Variants in ABCF2 observed in about 807,000 individuals in gnomAD.
ABCF2 encodes ATP binding cassette subfamily F member 2, also known as ATP-binding cassette sub-family F member 2.
Under a neutral mutation model 76.9 loss-of-function variants are expected in ABCF2, and 37 were observed. The ratio of observed to expected loss-of-function variants is 0.48; its 90% CI spans 0.37 to 0.63. The LOEUF (loss-of-function observed/expected upper bound fraction) is 0.63. Ranked by LOEUF, ABCF2 falls within the 30% of genes least tolerant of loss-of-function variation. ABCF2 has a pLI of 0.00. For synonymous variants in ABCF2, 299 were observed against 283.7 expected (o/e 1.05, Z -0.54); for missense variants, 524 against 782.1 (o/e 0.67, Z 3.94).
In ABCF2 at chr7:151,226,483, A is replaced by G; in HGVS notation, c.-25T>C. 5 of 1,607,184 alleles carry G rather than the reference A, an allele frequency of 3.1e-6. No individual in the cohort carries two copies. Among genetic ancestry groups the G allele is most frequent in the Non-Finnish European group, 4.2e-6 (5 of 1,177,298 alleles). The stretch of plus-strand genomic sequence containing the variant: ...TGATGATGACCCACAGGGGTAGGTT[A>G]CTGTTGTTTCAGGGAGCCTGAAGGA... On this transcript the variant is annotated 5_prime_UTR_variant, in exon 2 of 15. Transcript: ENST00000287844.
Position 151,214,048 on chromosome 7 carries a change from G to C in ABCF2, c.*6C>G, listed in dbSNP as rs1245120013. 1 of 1,613,086 alleles carries C rather than the reference G, an allele frequency of 6.2e-7. No homozygotes were observed. Among genetic ancestry groups the C allele is most frequent in the Non-Finnish European group, 8.5e-7 (1 of 1,179,792 alleles). ...GGAGCTCCTGACCCGAACCCAGGTA[G>C]AGGGCTCACACGTTGTGGGTCCTCT... On this transcript the variant is annotated 3_prime_UTR_variant, in exon 15 of 15. Coordinates refer to ENST00000287844, the MANE Select transcript of ABCF2 (RefSeq NM_007189.3). This position sits in a 1 kb window ranked among gnomAD's most constrained non-coding sequence, Gnocchi z 4.9.
At position 151,212,323 on chromosome 7, in the gene ABCF2, G is replaced by GA; in HGVS notation, c.*1730dup. On this transcript the variant is annotated 3_prime_UTR_variant, in exon 15 of 15. Coordinates refer to ENST00000287844, the MANE Select transcript of ABCF2 (RefSeq NM_007189.3). Reference sequence around the variant, plus strand: ...GTATGCAGAGCCCTGGGCTGGAAGTGAATTCAACAGTGATGATAACTATGG... The same window carrying GA: ...GTATGCAGAGCCCTGGGCTGGAAGTGAAATTCAACAGTGATGATAACTATGG... 1.0e-6 allele frequency: 1 copy of GA among 985,422 alleles called. No homozygotes were observed. 61.0% of individuals were successfully genotyped at this position (985,422 alleles called of 1,614,324 possible).
chr7:151,226,248 C>G (rs1470508368), intron 2 of ABCF2, 57 bp downstream of exon 2: 1 of 1,560,530 alleles, frequency 6.4e-7, no homozygotes, highest in African/African-American at 1.4e-5. Context: ...CCAACTCTGG[C>G]TGGGGCATGC....
rs917630441 is a variant in ABCF2 at position 151,215,064 on chromosome 7, A to G, written c.1549T>C (p.Leu517=). The change falls in exon 14 of 15, where the codon TTG becomes CTG. Residue 517 remains leucine (L), a synonymous_variant. Transcript: ENST00000287844. This position sits in a 1 kb window ranked among gnomAD's most constrained non-coding sequence, Gnocchi z 4.6. ...ACTCGGCACTTCTGCCCGTCTGACA[A>G]GTTCCGGATTGGGCTCACCTGAGTA... ...GKQQVSPIRN[L]SDGQKCRVCL... is the part of the protein sequence containing the mutation. 9.3e-6 allele frequency: 15 copies of G among 1,613,808 alleles called. No individual in the cohort carries two copies. The Middle Eastern group carries it at 6.6e-4, about 71-fold the overall frequency.
intron 6 of ABCF2, chr7:151,221,974 C>T (rs905859004): frequency 9.6e-6 from 3 of 314,052 alleles, no homozygotes; most frequent in Non-Finnish European, 1.8e-5. Flanking sequence ...TGTATGTACA[C>T]AAATACACCC....
At position 151,214,768 on chromosome 7, in the gene ABCF2, C is replaced by T. The variant is rs780194447; in HGVS notation, c.1734+111G>A. ...TCACCACCTGTGTCTACACTCTGAG[C>T]CCCTTCTCTTAATTCAGTAGGCGGG... On this transcript the variant is annotated intron_variant, in intron 14 of 14. Coordinates refer to ENST00000287844, the MANE Select transcript of ABCF2 (RefSeq NM_007189.3). The surrounding 1 kb of genome is among the most constrained non-coding windows in gnomAD (Gnocchi z 4.9). 104 of 1,030,468 alleles carry T rather than the reference C, an allele frequency of 1.0e-4. No individual in the cohort carries two copies. The highest frequency in any genetic ancestry group is 1.4e-4 in the Non-Finnish European group (94 of 684,030). The allele number at this position is 1,030,468 out of a possible 1,614,324, so 63.8% of individuals were successfully genotyped here.
In ABCF2 at chr7:151,212,557, G is replaced by A. The variant is rs1238103912; in HGVS notation, c.*1497C>T. 69 of 941,856 alleles carry A rather than the reference G, an allele frequency of 7.3e-5. No individual in the cohort carries two copies. Among genetic ancestry groups the A allele is most frequent in the Admixed American group, 1.2e-4 (2 of 16,234 alleles). 58.3% of individuals were successfully genotyped at this position (941,856 alleles called of 1,614,324 possible). A position where few individuals can be genotyped will look rare whatever the true frequency, so the allele number is the denominator to read the frequency against. On this transcript the variant is annotated 3_prime_UTR_variant, in exon 15 of 15. Transcript: ENST00000287844. ...GTCTGTCATCAGGCTGGAGTGTAGC[G>A]GCACGCTCTGCTCACTGCAGCCTCA...
chr7:151,219,185 C>A, intron 7 of ABCF2, 26 bp from the exon 8 acceptor site: 10 of 1,601,562 alleles, frequency 6.2e-6, no homozygotes, highest in Non-Finnish European at 8.6e-6. Context: ...CCAGGTAAGG[C>A]AGGCAGCTTT....
chr7:151,220,387 CAAAAA>C (rs10706364), intron 7 of ABCF2, among the ~76,000 whole-genome samples: 2 of 82,496 alleles, frequency 2.4e-5, no homozygotes, highest in Admixed American at 1.5e-4. Flanking sequence ...GACTCCAGCT[CAAAAA>C]AAAAAAAAAA....
At chr7:151,225,843 T>C (rs952097634) in intron 2 of ABCF2, among the ~76,000 whole-genome samples, 68 of 152,138 alleles carry the variant, frequency 4.5e-4, no homozygotes, top group African/African-American at 1.6e-3. Flanking sequence ...AAATAATAAA[T>C]ATTTCCCAAA....
In ABCF2 at chr7:151,223,975, C is replaced by A; in HGVS notation, c.507G>T (p.Arg169=). Residue 169 remains arginine (R), a synonymous_variant, in exon 4 of 15, where the codon CGG becomes CGT. Coordinates refer to ENST00000287844, the MANE Select transcript of ABCF2 (RefSeq NM_007189.3). ...LHCVMEVDTE[R]AMLEKEAERL... is the part of the protein sequence containing the mutation. Reference sequence around the variant, plus strand: ...GCTCTGCCTCTTTCTCCAGCATGGCCCGCTCTGTGTCGACTTCCATCACAC... The same window carrying A: ...GCTCTGCCTCTTTCTCCAGCATGGCACGCTCTGTGTCGACTTCCATCACAC... The A allele has an allele frequency of 6.2e-7, 1 of 1,614,124 alleles. No individual in the cohort carries two copies. The highest frequency in any genetic ancestry group is 8.5e-7 in the Non-Finnish European group (1 of 1,179,974).
chr7:151,211,818 G>A lies in ABCF2; in HGVS notation c.*2236C>T. The A allele has an allele frequency of 5.1e-6, 5 of 985,434 alleles. No individual in the cohort carries two copies. The highest frequency in any genetic ancestry group is 6.0e-6 in the Non-Finnish European group (5 of 829,930). 61.0% of individuals were successfully genotyped at this position (985,434 alleles called of 1,614,324 possible). A position where few individuals can be genotyped will look rare whatever the true frequency, so the allele number is the denominator to read the frequency against. On this transcript the variant is annotated 3_prime_UTR_variant, in exon 15 of 15. Coordinates refer to ENST00000287844, the MANE Select transcript of ABCF2 (RefSeq NM_007189.3). ...CTCCAGGCCCCACTTAAGGCATAAA[G>A]CAGTCAAGCCAGTACCCTCTGGGGT...
At position 151,217,963 on chromosome 7, in the gene ABCF2, C is replaced by T. The variant is rs564352046; in HGVS notation, c.1338+118G>A. 268 of 712,038 alleles carry T rather than the reference C, an allele frequency of 3.8e-4. No homozygotes were observed. In the African/African-American group the frequency reaches 4.0e-3, roughly 11 times the overall value. 44.1% of individuals were successfully genotyped at this position (712,038 alleles called of 1,614,324 possible). A position where few individuals can be genotyped will look rare whatever the true frequency, so the allele number is the denominator to read the frequency against. ...TGCTGCTCCACCCCTCCAGATGGCT[C>T]ACTCACCACCAGGGTACTCAGGCCC... On this transcript the variant is annotated intron_variant, in intron 11 of 14. Coordinates refer to ENST00000287844, the MANE Select transcript of ABCF2 (RefSeq NM_007189.3).
intron 11 of ABCF2, 23 bp from the exon 12 acceptor site, chr7:151,216,052 G>A (rs769550280): frequency 1.7e-5 from 27 of 1,607,946 alleles, no homozygotes; most frequent in African/African-American, 4.0e-5. Flanking sequence ...AAGTAGAAAC[G>A]TAAGCATGAA....
rs529284201 is a variant in ABCF2, at chr7:151,226,155, G to A, written c.154+150C>T. On this transcript the variant is annotated intron_variant, in intron 2 of 14. Transcript: ENST00000287844. Reference sequence around the variant, plus strand: ...TCCTTGCGCAATGACAGGGTGGCACGAATTCCAACTCTACTGATTTGATTC... The same window carrying A: ...TCCTTGCGCAATGACAGGGTGGCACAAATTCCAACTCTACTGATTTGATTC... 8.2e-6 allele frequency: 8 copies of A among 973,416 alleles called. No individual in the cohort carries two copies. In the South Asian group the frequency reaches 8.5e-5, roughly 10 times the overall value. 60.3% of individuals were successfully genotyped at this position (973,416 alleles called of 1,614,324 possible). A position where few individuals can be genotyped will look rare whatever the true frequency, so the allele number is the denominator to read the frequency against.
rs1802043361 is a variant in ABCF2, at chr7:151,211,495, A to G, written c.*2559T>C. On this transcript the variant is annotated 3_prime_UTR_variant, in exon 15 of 15. Coordinates refer to ENST00000287844, the MANE Select transcript of ABCF2 (RefSeq NM_007189.3). ...AAACAAGGCACTGCTAATTTTAGAA[A>G]TATGTATTTTGTGGACTTTTAAAGC... 1.0e-6 allele frequency: 1 copy of G among 978,188 alleles called. No individual in the cohort carries two copies. Among genetic ancestry groups the G allele is most frequent in the Non-Finnish European group, 1.2e-6 (1 of 823,432 alleles). The allele number at this position is 978,188 out of a possible 1,614,324, so 60.6% of individuals were successfully genotyped here. A position where few individuals can be genotyped will look rare whatever the true frequency, so the allele number is the denominator to read the frequency against.
At chr7:151,217,829 A>T (rs894363643) in intron 11 of ABCF2, among the ~76,000 whole-genome samples, 2 of 151,424 alleles carry the variant, frequency 1.3e-5, no homozygotes, top group Non-Finnish European at 1.5e-5. Flanking sequence ...GCTTAAACAC[A>T]TACATGTATT....
chr7:151,224,922 G>C lies in ABCF2; in HGVS notation c.221C>G (p.Thr74Ser). Residue 74 changes from threonine to serine, a missense_variant, in exon 3 of 15, where the codon ACT (threonine) becomes AGT (serine). Around this residue, in one of 2 missense-constraint regions of ABCF2, gnomAD observed 330 missense variants for 433.6 expected, o/e 0.76. Transcript: ENST00000287844. Reference sequence around the variant, plus strand: ...GTTGGGGTGAGAGGCCAGGACGCCAGTGACAGCTCGAGCAGCAGCTTTCTT... The same window carrying C: ...GTTGGGGTGAGAGGCCAGGACGCCACTGACAGCTCGAGCAGCAGCTTTCTT... ...EMKKAAARAV[T>S]GVLASHPNST... 2 of 1,614,248 alleles carry C rather than the reference G, an allele frequency of 1.2e-6. No homozygotes were observed. The highest frequency in any genetic ancestry group is 2.2e-5 in the East Asian group (1 of 44,890).
rs1802095884 is a variant in ABCF2, at chr7:151,213,796, C to T, written c.*258G>A. On this transcript the variant is annotated 3_prime_UTR_variant, in exon 15 of 15. Coordinates refer to ENST00000287844, the MANE Select transcript of ABCF2 (RefSeq NM_007189.3). ...ATCACACTCAGAGTAAGATAACCAG[C>T]AAGGGGCTGGAGGGAACGGCCAGCC... 3 of 1,291,782 alleles carry T rather than the reference C, an allele frequency of 2.3e-6. No homozygotes were observed. The highest frequency in any genetic ancestry group is 2.0e-6 in the Non-Finnish European group (2 of 1,020,306). 80.0% of individuals were successfully genotyped at this position (1,291,782 alleles called of 1,614,324 possible).
Sources: allele counts gnomAD v4.1 joint callset (sites outside exome capture counted in the v4.1 genomes callset), GRCh38; gene constraint gnomAD v4.1.1; regional missense constraint gnomAD v4.1.1; non-coding constraint Gnocchi (gnomAD v3.1); transcripts MANE v1.5; gene names NCBI Gene and HGNC (gene_info 2026-07-23, HGNC 2026-07-21).